UBE2D3: variants seen among roughly 807,000 people sequenced by gnomAD.
UBE2D3 encodes the protein ubiquitin-conjugating enzyme E2 D3.
A neutral mutation model predicts 22.8 loss-of-function variants in UBE2D3; 2 were observed. That is an observed-to-expected ratio of 0.09 (90% CI 0.04 to 0.28). The LOEUF (loss-of-function observed/expected upper bound fraction) is 0.28. Among genes scored for constraint, UBE2D3 ranks in the 10% least tolerant of loss-of-function variants. The pLI is 1.00. For missense variants in UBE2D3, 27 were observed against 182.5 expected, an observed-to-expected ratio of 0.15 and a Z score of 4.91; for synonymous variants, 56 against 60.4, an observed-to-expected ratio of 0.93 and a Z score of 0.34.
intron 1 of UBE2D3, among the ~76,000 whole-genome samples, chr4:102,834,984 A>G (rs1731313241): frequency 6.6e-6 from 1 of 151,884 alleles, no homozygotes; most frequent in Non-Finnish European, 1.5e-5. Flanking sequence ...CCCCTTTTCC[A>G]TCCATCTCCA....
intron 1 of UBE2D3, among the ~76,000 whole-genome samples, chr4:102,842,607 A>G (rs72931900): frequency 1.6e-3 from 247 of 152,242 alleles, no homozygotes; most frequent in African/African-American, 5.7e-3. Context: ...AGTGGTTTTG[A>G]TCATACTTCT....
chr4:102,847,104 A>G (rs1578290883), intron 1 of UBE2D3, among the ~76,000 whole-genome samples: 1 of 152,096 alleles, frequency 6.6e-6, no homozygotes. Flanking sequence ...CTCTGCTCAA[A>G]TGTCCCTATC....
upstream of UBE2D3, chr4:102,827,629 T>C: frequency 1.0e-6 from 1 of 986,644 alleles, no homozygotes; most frequent in Non-Finnish European, 1.2e-6. Context: ...AACGCCGCCG[T>C]CCCGAGCACA....
At chr4:102,826,815 G>A (rs915991513) in intron 1 of UBE2D3, 179 bp from the exon 2 acceptor site, 5 of 1,227,978 alleles carry the variant, frequency 4.1e-6, no homozygotes, top group Non-Finnish European at 5.1e-6. Context: ...AAGAGCGGAG[G>A]TGGTGGCTAC....
chr4:102,845,862 C>T (rs1732015825), intron 1 of UBE2D3, among the ~76,000 whole-genome samples: 3 of 150,428 alleles, frequency 2.0e-5, no homozygotes, highest in Admixed American at 2.0e-4. Context: ...GTGATCTCGG[C>T]TCACTGCAAC....
chr4:102,864,047 A>G (rs978987171), intron 1 of UBE2D3, among the ~76,000 whole-genome samples: 1 of 152,214 alleles, frequency 6.6e-6, no homozygotes, highest in African/African-American at 2.4e-5. Flanking sequence ...AAAAATGATG[A>G]AGATGAAATA....
intron 1 of UBE2D3, among the ~76,000 whole-genome samples, chr4:102,865,774 G>T (rs1458853107): frequency 6.6e-6 from 1 of 152,120 alleles, no homozygotes; most frequent in African/African-American, 2.4e-5. Context: ...ATGACCTAAT[G>T]GGAAAAAAAC....
At chr4:102,863,863 C>G (rs1268640774) in intron 1 of UBE2D3, among the ~76,000 whole-genome samples, 4 of 152,180 alleles carry the variant, frequency 2.6e-5, no homozygotes, top group Non-Finnish European at 5.9e-5. Context: ...CTCCAGAAAT[C>G]TGCATGGGGT....
upstream of UBE2D3, among the ~76,000 whole-genome samples, chr4:102,829,822 C>T (rs1731015965): frequency 6.6e-6 from 1 of 152,124 alleles, no homozygotes; most frequent in African/African-American, 2.4e-5. Flanking sequence ...GCCTGTAATC[C>T]CAGCTGCTTG....
At chr4:102,814,787 G>C (rs985474537) in intron 2 of UBE2D3, among the ~76,000 whole-genome samples, 1 of 151,962 alleles carries the variant, frequency 6.6e-6, no homozygotes, top group East Asian at 1.9e-4. Flanking sequence ...CTGAACAAAA[G>C]CAAAACTGCT....
At chr4:102,836,374 T>TG (rs1731403754) in intron 1 of UBE2D3, among the ~76,000 whole-genome samples, 1 of 152,134 alleles carries the variant, frequency 6.6e-6, no homozygotes, top group East Asian at 1.9e-4. Context: ...CTCGAACTCC[T>TG]GACCTCAGGT....
chr4:102,810,382 TTTTA>T (rs1409052001), intron 2 of UBE2D3: 19 of 150,954 alleles, frequency 1.3e-4, no homozygotes, highest in African/African-American at 4.6e-4. Flanking sequence ...TTTTTTTTTT[TTTTA>T]AACTCAGCAT....
At chr4:102,853,244 G>A (rs1285218524) in intron 1 of UBE2D3, among the ~76,000 whole-genome samples, 2 of 143,720 alleles carry the variant, frequency 1.4e-5, no homozygotes, top group East Asian at 2.1e-4. Flanking sequence ...CCGGGTTCAC[G>A]CCATTCTCCT....
intron 4 of UBE2D3, among the ~76,000 whole-genome samples, chr4:102,803,883 C>T (rs1042974468): frequency 2.0e-5 from 3 of 152,194 alleles, no homozygotes; most frequent in Admixed American, 2.0e-4. Flanking sequence ...ACTCTCCTGC[C>T]TCAGCCTCCC....
chr4:102,844,938 C>T (rs930186078), intron 1 of UBE2D3, among the ~76,000 whole-genome samples: 7 of 148,172 alleles, frequency 4.7e-5, no homozygotes, highest in African/African-American at 1.0e-4. Flanking sequence ...AGGAGAATGG[C>T]GTGAACCTGG....
At chr4:102,844,301 C>T (rs1015021671) in intron 1 of UBE2D3, among the ~76,000 whole-genome samples, 4 of 152,120 alleles carry the variant, frequency 2.6e-5, no homozygotes, top group African/African-American at 9.7e-5. Context: ...TGGTCTCAAA[C>T]TCCTGGTGTC....
chr4:102,799,341 C>A, intron 7 of UBE2D3, 66 bp downstream of exon 7: 1 of 1,287,806 alleles, frequency 7.8e-7, no homozygotes, highest in East Asian at 2.4e-5. Flanking sequence ...GGCACTGTCA[C>A]AAGCAAAGTA....
intron 2 of UBE2D3, among the ~76,000 whole-genome samples, chr4:102,821,618 T>A (rs1220496098): frequency 2.0e-5 from 3 of 148,512 alleles, no homozygotes; most frequent in East Asian, 3.9e-4. Context: ...TTTTTTTTTT[T>A]AAATTCTAAA....
At chr4:102,855,832 G>C (rs1355952972) in intron 1 of UBE2D3, among the ~76,000 whole-genome samples, 1 of 152,190 alleles carries the variant, frequency 6.6e-6, no homozygotes, top group Non-Finnish European at 1.5e-5. Flanking sequence ...AAGGGGGACA[G>C]AGACAAAAAG....
Sources: allele counts gnomAD v4.1 joint callset (sites outside exome capture counted in the v4.1 genomes callset), GRCh38; gene constraint gnomAD v4.1.1; transcripts MANE v1.5; gene names NCBI Gene and HGNC (gene_info 2026-07-23, HGNC 2026-07-21).